Variants in KCNMB4 observed in about 807,000 individuals in gnomAD.
KCNMB4 encodes calcium-activated potassium channel subunit beta-4.
A neutral mutation model predicts 20.7 loss-of-function variants in KCNMB4; 3 were observed. The observed-to-expected ratio is 0.14, with a 90% CI of 0.07 to 0.37. KCNMB4 has a LOEUF of 0.37. Among genes scored for constraint, KCNMB4 ranks in the 10% least tolerant of loss-of-function variants. The pLI is 1.00. For synonymous variants in KCNMB4, 110 were observed against 113.4 expected, an observed-to-expected ratio of 0.97 and a Z score of 0.19; for missense variants, 168 against 265.9, an observed-to-expected ratio of 0.63 and a Z score of 2.56.
chr12:70,420,063 A>G (rs1274080542), intron 2 of KCNMB4, among the ~76,000 whole-genome samples: 2 of 152,178 alleles, frequency 1.3e-5, no homozygotes, highest in Non-Finnish European at 2.9e-5. Flanking sequence ...GATCTGAGTT[A>G]TAAAATAGAA....
intron 2 of KCNMB4, 115 bp from the exon 3 acceptor site, chr12:70,430,370 A>C: frequency 9.3e-7 from 1 of 1,073,334 alleles, no homozygotes; most frequent in Admixed American, 2.1e-5. Context: ...GTCAGAGTGC[A>C]GCCTTTACTT....
At chr12:70,398,248 G>T (rs1201967491) in intron 1 of KCNMB4, among the ~76,000 whole-genome samples, 1 of 151,948 alleles carries the variant, frequency 6.6e-6, no homozygotes, top group African/African-American at 2.4e-5. Context: ...CCTTCTGCTG[G>T]GTTCTTTCTT....
intron 2 of KCNMB4, among the ~76,000 whole-genome samples, chr12:70,420,291 A>G (rs749535797): frequency 1.3e-5 from 2 of 152,208 alleles, no homozygotes; most frequent in South Asian, 2.1e-4. Context: ...TTACTTTGCT[A>G]CCATGTTACC....
chr12:70,412,986 A>G (rs1216191529), intron 2 of KCNMB4, among the ~76,000 whole-genome samples: 1 of 152,218 alleles, frequency 6.6e-6, no homozygotes, highest in Non-Finnish European at 1.5e-5. Flanking sequence ...AAAACAGTAA[A>G]TCTGGAATCT....
At chr12:70,399,612 A>C (rs1868402071) in intron 1 of KCNMB4, among the ~76,000 whole-genome samples, 1 of 152,242 alleles carries the variant, frequency 6.6e-6, no homozygotes, top group Non-Finnish European at 1.5e-5. Flanking sequence ...TTACGATAAT[A>C]GAGCTCCTTT....
intron 2 of KCNMB4, among the ~76,000 whole-genome samples, chr12:70,406,640 G>C (rs1322027475): frequency 2.0e-5 from 3 of 152,128 alleles, no homozygotes; most frequent in South Asian, 2.1e-4. Context: ...TCCTGAGCTT[G>C]AGCTTGCAGT....
At chr12:70,417,127 C>T (rs1403287483) in intron 2 of KCNMB4, among the ~76,000 whole-genome samples, 1 of 152,148 alleles carries the variant, frequency 6.6e-6, no homozygotes, top group Non-Finnish European at 1.5e-5. Flanking sequence ...TTTTTCTTCA[C>T]TGAGGATCTA....
At chr12:70,375,960 C>G (rs1027410960) in intron 1 of KCNMB4, among the ~76,000 whole-genome samples, 1 of 151,952 alleles carries the variant, frequency 6.6e-6, no homozygotes, top group African/African-American at 2.4e-5. Flanking sequence ...AGTGTTCCCC[C>G]TTCTGTTTTT....
chr12:70,419,347 A>G (rs543666314), intron 2 of KCNMB4, among the ~76,000 whole-genome samples: 3 of 152,358 alleles, frequency 2.0e-5, no homozygotes, highest in East Asian at 1.9e-4. Flanking sequence ...TTAATAATAC[A>G]GTATTGCTCT....
chr12:70,412,766 G>A (rs933530717), intron 2 of KCNMB4, among the ~76,000 whole-genome samples: 5 of 152,134 alleles, frequency 3.3e-5, no homozygotes, highest in African/African-American at 1.2e-4. Context: ...ACAAATTCCA[G>A]AGGAAAATTT....
At chr12:70,379,049 C>CT (rs1445783816) in intron 1 of KCNMB4, among the ~76,000 whole-genome samples, 1 of 152,148 alleles carries the variant, frequency 6.6e-6, no homozygotes, top group Non-Finnish European at 1.5e-5. Context: ...CAACAGTGGG[C>CT]TTTAAATATT....
chr12:70,371,137 G>A (rs558091973), intron 1 of KCNMB4, among the ~76,000 whole-genome samples: 11 of 152,260 alleles, frequency 7.2e-5, no homozygotes, highest in South Asian at 2.1e-4. Flanking sequence ...GATTACAGGC[G>A]TGAGCCAACA....
chr12:70,395,268 G>A (rs892679527), intron 1 of KCNMB4, among the ~76,000 whole-genome samples: 2 of 152,008 alleles, frequency 1.3e-5, no homozygotes, highest in Admixed American at 6.6e-5. Context: ...TGAAGTCAAT[G>A]GAAAACTGGA....
intron 2 of KCNMB4, among the ~76,000 whole-genome samples, chr12:70,429,904 C>A (rs538065689): frequency 5.3e-5 from 8 of 152,196 alleles, no homozygotes; most frequent in Admixed American, 2.0e-4. Context: ...CACCCAGAAG[C>A]ATGGAAAAAG....
chr12:70,379,853 G>A (rs1325200905), intron 1 of KCNMB4, among the ~76,000 whole-genome samples: 1 of 152,164 alleles, frequency 6.6e-6, no homozygotes, highest in African/African-American at 2.4e-5. Flanking sequence ...TTAGGCTTTG[G>A]CTTAAAGAAA....
chr12:70,416,667 G>A (rs916315215), intron 2 of KCNMB4, among the ~76,000 whole-genome samples: 4 of 152,082 alleles, frequency 2.6e-5, no homozygotes, highest in African/African-American at 9.7e-5. Flanking sequence ...CTTTGCAAAG[G>A]CATTTCAAGA....
At chr12:70,402,663 A>AAG (rs1056546858) in intron 2 of KCNMB4, among the ~76,000 whole-genome samples, 1 of 151,154 alleles carries the variant, frequency 6.6e-6, no homozygotes, top group African/African-American at 2.4e-5. Context: ...TCAAAAAAAA[A>AAG]AAAAAAAAAA....
chr12:70,427,564 G>A (rs17108146), intron 2 of KCNMB4, among the ~76,000 whole-genome samples: 24,508 of 152,120 alleles, frequency 0.16, 1,997 homozygotes, highest in South Asian at 0.25. Context: ...TAGCTAACTC[G>A]GAGGGACTGA....
intron 2 of KCNMB4, among the ~76,000 whole-genome samples, chr12:70,401,653 T>A (rs1271398001): frequency 4.0e-5 from 6 of 150,832 alleles, no homozygotes; most frequent in East Asian, 2.0e-4. Flanking sequence ...TTTTTTTTTT[T>A]ATGATTCTGT....
Sources: allele counts gnomAD v4.1 joint callset (sites outside exome capture counted in the v4.1 genomes callset), GRCh38; gene constraint gnomAD v4.1.1; transcripts MANE v1.5; gene names NCBI Gene and HGNC (gene_info 2026-07-23, HGNC 2026-07-21).